GLB1L3: variants seen among roughly 807,000 people sequenced by gnomAD.
The protein encoded by GLB1L3 is galactosidase beta 1 like 3.
In GLB1L3, 89 loss-of-function variants were observed where a neutral mutation model predicts 89.5. That is an observed-to-expected ratio of 0.99 (90% confidence interval 0.84 to 1.19). The LOEUF (loss-of-function observed/expected upper bound fraction) is 1.19, where lower values mean the gene tolerates loss of function less well. Ranked by LOEUF, GLB1L3 falls within the 50% of genes most tolerant of loss-of-function variation. GLB1L3 has a pLI of 0.00. For missense variants in GLB1L3, 812 were observed against 813.3 expected (o/e 1.00, Z 0.02); for synonymous variants, 314 against 312.3 (o/e 1.01, Z -0.06).
chr11:134,301,138 G>A (rs2136178496), intron 9 of GLB1L3, among the ~76,000 whole-genome samples: 1 of 152,300 alleles, frequency 6.6e-6, no homozygotes, highest in South Asian at 2.1e-4. Flanking sequence ...CTAGCCCCAG[G>A]TAAGCAAGTG....
At chr11:134,316,243 T>A (rs515699) in intron 18 of GLB1L3, among the ~76,000 whole-genome samples, 146,155 of 151,816 alleles carry the variant, frequency 0.96, 70,457 homozygotes, top group Admixed American at 0.98. Flanking sequence ...AATAAATTTA[T>A]TGTATTTATT....
chr11:134,310,111 C>T (rs369662084), intron 11 of GLB1L3: 5 of 393,622 alleles, frequency 1.3e-5, no homozygotes, highest in East Asian at 5.0e-5. Flanking sequence ...AAAGAGTACC[C>T]GTTGAAGGGG....
At position 134,288,942 on chromosome 11, in the gene GLB1L3, T is replaced by C. The variant is rs1039562843; in HGVS notation, c.729+52T>C. 1.0e-5 allele frequency: 13 copies of C among 1,256,440 alleles called. No individual in the cohort carries two copies. In the African/African-American group the frequency reaches 1.9e-4, roughly 19 times the overall value. 77.8% of individuals were successfully genotyped at this position (1,256,440 alleles called of 1,614,324 possible). A position where few individuals can be genotyped will look rare whatever the true frequency, so the allele number is the denominator to read the frequency against. On this transcript the variant is annotated intron_variant, in intron 7 of 19. Coordinates refer to ENST00000431683, the MANE Select transcript of GLB1L3 (RefSeq NM_001080407.3). ...GTTTACATGCCTCCTTCCTCCTCTGTGCGTTTCTGATTCCTGGATGCATGA... is the reference window on the plus strand; with the variant it reads ...GTTTACATGCCTCCTTCCTCCTCTGCGCGTTTCTGATTCCTGGATGCATGA...
chr11:134,302,858 T>A (rs1239027524), intron 9 of GLB1L3, among the ~76,000 whole-genome samples: 7 of 152,228 alleles, frequency 4.6e-5, no homozygotes, highest in Non-Finnish European at 1.0e-4. Flanking sequence ...ATTGTGTTAT[T>A]CTAGTTTTCT....
intron 9 of GLB1L3, chr11:134,304,966 CAA>C (rs1160457998): frequency 1.9e-5 from 11 of 579,806 alleles, no homozygotes; most frequent in African/African-American, 1.1e-4. Flanking sequence ...CTCAAGGACT[CAA>C]GAGAAGTTGC....
downstream of GLB1L3, among the ~76,000 whole-genome samples, chr11:134,321,340 G>T (rs1315182329): frequency 1.3e-5 from 2 of 151,118 alleles, no homozygotes; most frequent in Non-Finnish European, 2.9e-5. Flanking sequence ...AAATTAGGAG[G>T]ATAAATAGAG....
At chr11:134,291,819 A>G (rs1479358442) in intron 7 of GLB1L3, among the ~76,000 whole-genome samples, 2 of 152,166 alleles carry the variant, frequency 1.3e-5, no homozygotes, top group African/African-American at 4.8e-5. Flanking sequence ...TACTAAAGAA[A>G]AAAAAATTAG....
chr11:134,293,220 T>A lies in GLB1L3; in HGVS notation c.876+11T>A, dbSNP rs745728577. 1.9e-6 allele frequency: 3 copies of A among 1,611,140 alleles called. No homozygotes were observed. The African/African-American group carries it at 4.0e-5, about 22-fold the overall frequency. ...CTTCATAAAGTCCAGGTAAGACATT[T>A]CAGACAGGCAGGGTTTTACAGCTCC... On this transcript the variant is annotated intron_variant, in intron 9 of 19. Coordinates refer to ENST00000431683, the MANE Select transcript of GLB1L3 (RefSeq NM_001080407.3).
chr11:134,308,305 C>T (rs1244279724), intron 10 of GLB1L3, among the ~76,000 whole-genome samples: 5 of 47,594 alleles, frequency 1.1e-4, no homozygotes, highest in South Asian at 1.0e-3. Context: ...ACCACCACCA[C>T]CACCACTACC....
At chr11:134,315,094 G>T (rs532357342) in intron 18 of GLB1L3, among the ~76,000 whole-genome samples, 2 of 152,122 alleles carry the variant, frequency 1.3e-5, no homozygotes, top group Non-Finnish European at 2.9e-5. Context: ...ATCATACAGG[G>T]CATCTTTTTT....
intron 15 of GLB1L3, 129 bp downstream of exon 15, chr11:134,313,016 A>C: frequency 1.3e-6 from 1 of 744,580 alleles, no homozygotes; most frequent in Non-Finnish European, 2.3e-6. Context: ...GGGCGGCGGC[A>C]GGAAGTGTGC....
intron 6 of GLB1L3, among the ~76,000 whole-genome samples, chr11:134,286,739 C>T (rs1221951369): frequency 3.3e-5 from 5 of 150,616 alleles, no homozygotes; most frequent in Non-Finnish European, 7.4e-5. Context: ...ATGGCGCCAC[C>T]GCACTCCAGC....
intron 3 of GLB1L3, among the ~76,000 whole-genome samples, chr11:134,279,364 C>CTTTTTTTTTTTTTTT (rs10577769): frequency 4.6e-5 from 5 of 108,334 alleles, no homozygotes; most frequent in Admixed American, 2.2e-4. Flanking sequence ...TTTTCTTTTT[C>CTTTTTTTTTTTTTTT]TTTTTTTTTT....
intron 13 of GLB1L3, 64 bp from the exon 14 acceptor site, chr11:134,312,285 C>A: frequency 6.3e-7 from 1 of 1,578,906 alleles, no homozygotes; most frequent in South Asian, 1.2e-5. Flanking sequence ...ATGACAGGGT[C>A]TTAGGAAGGA....
chr11:134,303,366 G>C (rs1009100141), intron 9 of GLB1L3, among the ~76,000 whole-genome samples: 4 of 152,132 alleles, frequency 2.6e-5, no homozygotes, highest in African/African-American at 9.7e-5. Context: ...GACTGAAGTT[G>C]AACCTGCCAT....
downstream of GLB1L3, among the ~76,000 whole-genome samples, chr11:134,323,360 AACACACACACATGCGTGCGCACACAC>A (rs1943187898): frequency 6.7e-6 from 1 of 150,222 alleles, no homozygotes; most frequent in Admixed American, 6.7e-5. Context: ...GTCTCTACTA[AACACACACACATGCGTGCGCACACAC>A]ACACACACGT....
chr11:134,283,208 G>A (rs1246213305), intron 5 of GLB1L3, among the ~76,000 whole-genome samples: 1 of 151,960 alleles, frequency 6.6e-6, no homozygotes, highest in African/African-American at 2.4e-5. Flanking sequence ...GATTACAGGC[G>A]CCCGCCACCA....
chr11:134,308,260 CACCACCACCACCACCACCACCAA>C (rs1565412780), intron 10 of GLB1L3, among the ~76,000 whole-genome samples: 10 of 42,246 alleles, frequency 2.4e-4, no homozygotes, highest in East Asian at 6.5e-4. Context: ...CCATCACCAC[CACCACCACCACCACCACCACCAA>C]ATACCACCAC....
rs199664947 is a variant in GLB1L3 at position 134,281,386 on chromosome 11, G to A, written c.372G>A (p.Pro124=). The A allele has an allele frequency of 2.5e-5, 41 of 1,614,046 alleles. No individual in the cohort carries two copies. The highest frequency in any genetic ancestry group is 1.2e-4 in the South Asian group (11 of 91,080). The change falls in exon 4 of 20, where the codon CCG becomes CCA. Residue 124 remains proline (P), a synonymous_variant. Coordinates refer to ENST00000431683, the MANE Select transcript of GLB1L3 (RefSeq NM_001080407.3). ...CGFNTVTTYV[P]WNLHEPERGK... ...CTCTCACCTCTTCTAGCTATGTTCC[G>A]TGGAACCTGCATGAGCCAGAAAGAG...
Sources: gnomAD v4.1 joint callset for allele counts (sites outside exome capture counted in the v4.1 genomes callset) on GRCh38, gnomAD v4.1.1 for gene constraint, MANE v1.5 for transcripts, NCBI Gene and HGNC (gene_info 2026-07-23, HGNC 2026-07-21) for gene names.